The following MKX variants were observed in gnomAD, a reference collection of about 807,000 sequenced individuals.
MKX encodes the protein homeobox protein Mohawk.
MKX carries 13 observed loss-of-function variants against 36.0 expected under a neutral mutation model. That is an observed-to-expected ratio of 0.36 (90% CI 0.24 to 0.57). The LOEUF (loss-of-function observed/expected upper bound fraction) is 0.57. Ranked by LOEUF, MKX falls within the 20% of genes least tolerant of loss-of-function variation. MKX has a pLI of 0.79. For synonymous variants in MKX, 176 were observed against 178.3 expected (o/e 0.99, Z 0.10); for missense variants, 458 against 456.4 (o/e 1.00, Z -0.03).
chr10:27,683,460 C>A (rs893806256), intron 5 of MKX, among the ~76,000 whole-genome samples: 1 of 152,222 alleles, frequency 6.6e-6, no homozygotes, highest in African/African-American at 2.4e-5. Context: ...CCTGATGATA[C>A]ACTTGCATTT....
At chr10:27,722,191 AC>A (rs1834394097) in intron 5 of MKX, among the ~76,000 whole-genome samples, 1 of 152,210 alleles carries the variant, frequency 6.6e-6, no homozygotes, top group Non-Finnish European at 1.5e-5. Flanking sequence ...TAAACACGTG[AC>A]ATCTACCCTC....
intron 5 of MKX, among the ~76,000 whole-genome samples, chr10:27,723,078 C>T (rs372107470): frequency 1.5e-4 from 23 of 152,068 alleles, no homozygotes; most frequent in Admixed American, 3.9e-4. Flanking sequence ...AAATAGTCCT[C>T]GCACACCTTT....
intron 3 of MKX, among the ~76,000 whole-genome samples, chr10:27,736,686 T>A (rs1214936925): frequency 6.6e-6 from 1 of 152,126 alleles, no homozygotes; most frequent in Non-Finnish European, 1.5e-5. Flanking sequence ...TTTTTGTGCA[T>A]TACTCAAGTC....
chr10:27,741,487 C>G lies in MKX; in HGVS notation c.206G>C (p.Gly69Ala). Residue 69 changes from glycine to alanine, a missense_variant, in exon 3 of 7, where the codon GGG becomes GCG. By Grantham distance (60) the Gly-to-Ala change is moderately conservative (BLOSUM62 0). Around this residue, in one of 3 missense-constraint regions of MKX, gnomAD observed 149 missense variants for 114.3 expected, o/e 1.30. Transcript: ENST00000419761. This position sits in a 1 kb window ranked among gnomAD's most constrained non-coding sequence, Gnocchi z 5.1. ...GGCCTGCCGCTTGTGCCTCACCTTC[C>G]CGCCATTCTGCCGGGCGCTGGGACA... ...HRRTGARQNG[G>A]KVRHKRQALQ... The G allele has an allele frequency of 6.3e-7, 1 of 1,595,930 alleles. No individual in the cohort carries two copies. Among genetic ancestry groups the G allele is most frequent in the Non-Finnish European group, 8.5e-7 (1 of 1,173,122 alleles).
intron 5 of MKX, among the ~76,000 whole-genome samples, chr10:27,722,335 C>A (rs916981692): frequency 2.0e-5 from 3 of 152,188 alleles, no homozygotes; most frequent in African/African-American, 7.2e-5. Context: ...GCTCAGAGCC[C>A]AAGTTCTGTT....
At chr10:27,711,483 C>CTTTCTTTCTTTCTTTCTTTCTTTT (rs1391922537) in intron 5 of MKX, among the ~76,000 whole-genome samples, 2 of 63,292 alleles carry the variant, frequency 3.2e-5, no homozygotes, top group African/African-American at 1.2e-4. Context: ...TTCTTTCTTT[C>CTTTCTTTCTTTCTTTCTTTCTTTT]TCTCTCTCTC....
Position 27,675,523 on chromosome 10 carries a change from T to G in MKX, c.870A>C (p.Glu290Asp). ...DTLENGSNKGESAANRKGPSK... is the reference protein window; with the variant it reads ...DTLENGSNKGDSAANRKGPSK... ...GCCAATGGGAACATTTTGCTCACCT[T>G]TCACCCTTATTGGATCCGTTTTCCA... Residue 290 changes from glutamate to aspartate, a missense_variant and splice_region_variant, in exon 6 of 7, where the codon GAA becomes GAC. Physicochemically the swap from Glu to Asp is conservative, Grantham distance 45. This residue lies in a region of MKX where 297 missense variants were observed against 304.4 expected (regional missense o/e 0.98). Coordinates refer to ENST00000419761, the MANE Select transcript of MKX (RefSeq NM_173576.3). 6.2e-7 allele frequency: 1 copy of G among 1,614,132 alleles called. No homozygotes were observed. Among genetic ancestry groups the G allele is most frequent in the Middle Eastern group, 1.6e-4 (1 of 6,062 alleles).
intron 3 of MKX, among the ~76,000 whole-genome samples, chr10:27,738,699 A>G (rs1031900350): frequency 6.6e-6 from 1 of 152,108 alleles, no homozygotes; most frequent in Admixed American, 6.5e-5. Flanking sequence ...GGAAAACTAA[A>G]TAATATTCAT....
At chr10:27,718,673 T>A (rs1309173295) in intron 5 of MKX, 1 of 315,958 alleles carries the variant, frequency 3.2e-6, no homozygotes, top group Admixed American at 3.9e-5. Flanking sequence ...CCACTTGGAC[T>A]CCAGTCACAT....
intron 5 of MKX, among the ~76,000 whole-genome samples, chr10:27,684,828 C>G (rs1430573900): frequency 1.3e-5 from 2 of 152,192 alleles, no homozygotes; most frequent in African/African-American, 2.4e-5. Flanking sequence ...TGAGATGAAA[C>G]GATTCCACCT....
At chr10:27,725,605 A>G (rs1299466570) in intron 5 of MKX, among the ~76,000 whole-genome samples, 4 of 152,066 alleles carry the variant, frequency 2.6e-5, no homozygotes, top group Non-Finnish European at 4.4e-5. Context: ...ATTTTAACAC[A>G]GAAAAATACC....
intron 5 of MKX, among the ~76,000 whole-genome samples, chr10:27,700,381 A>C (rs934089280): frequency 6.6e-6 from 1 of 152,222 alleles, no homozygotes; most frequent in Admixed American, 6.5e-5. Context: ...CAGAACATGC[A>C]TATAAAAATA....
At position 27,734,620 on chromosome 10, in the gene MKX, C is replaced by T. The variant is rs749807102; in HGVS notation, c.674G>A (p.Arg225His). 4.3e-6 allele frequency: 7 copies of T among 1,613,974 alleles called. No individual in the cohort carries two copies. Among genetic ancestry groups the T allele is most frequent in the African/African-American group, 1.3e-5 (1 of 74,898 alleles). ...ATGTCTCAAAGAGTCATTAAGGTAA[C>T]GGTTCAACAAGCTGCTCTTGTATTT... The part of the protein sequence containing the change: ...PPKYKSSLLN[R>H]YLNDSLRHVM... The change falls in exon 5 of 7, where the codon CGT becomes CAT. Residue 225 changes from arginine to histidine, a missense_variant. By Grantham distance (29) the Arg-to-His change is conservative. Around this residue, in one of 3 missense-constraint regions of MKX, gnomAD observed 297 missense variants for 304.4 expected, o/e 0.98. Coordinates refer to ENST00000419761, the MANE Select transcript of MKX (RefSeq NM_173576.3).
chr10:27,712,392 T>C (rs951416869), intron 5 of MKX, among the ~76,000 whole-genome samples: 8 of 152,132 alleles, frequency 5.3e-5, no homozygotes, highest in African/African-American at 1.9e-4. Flanking sequence ...GCTTAGCATC[T>C]CAGTAAGTGG....
chr10:27,683,686 G>C (rs565811316), intron 5 of MKX, among the ~76,000 whole-genome samples: 1 of 152,352 alleles, frequency 6.6e-6, no homozygotes, highest in African/African-American at 2.4e-5. Flanking sequence ...CCTGCGTCTA[G>C]TGTGTTACTG....
chr10:27,700,984 T>G (rs1415686022), intron 5 of MKX, among the ~76,000 whole-genome samples: 2 of 152,184 alleles, frequency 1.3e-5, no homozygotes, highest in Admixed American at 1.3e-4. Context: ...ATTTTATTAT[T>G]GAATAAACTT....
rs1223520145 is a variant in MKX at position 27,741,290 on chromosome 10, C to T, written c.348+55G>A. On this transcript the variant is annotated intron_variant, in intron 3 of 6. Coordinates refer to ENST00000419761, the MANE Select transcript of MKX (RefSeq NM_173576.3). The surrounding 1 kb of genome is among the most constrained non-coding windows in gnomAD (Gnocchi z 5.1). ...GAGCCACACGAACTCTAAGCGTTCC[C>T]GCTCTTCAGCCCCTCGCGGGAAAAC... is the stretch of plus-strand genomic sequence containing the variant. The T allele has an allele frequency of 1.2e-6, 2 of 1,601,900 alleles. No homozygotes were observed. Among genetic ancestry groups the T allele is most frequent in the East Asian group, 2.2e-5 (1 of 44,574 alleles).
intron 5 of MKX, among the ~76,000 whole-genome samples, chr10:27,724,213 AAC>A (rs1197722187): frequency 1.3e-5 from 2 of 152,184 alleles, no homozygotes; most frequent in Non-Finnish European, 2.9e-5. Flanking sequence ...CCAAAAAGTG[AAC>A]ACAGTGTGTA....
At chr10:27,698,245 C>G (rs1419934313) in intron 5 of MKX, among the ~76,000 whole-genome samples, 1 of 152,008 alleles carries the variant, frequency 6.6e-6, no homozygotes, top group Non-Finnish European at 1.5e-5. Flanking sequence ...GTTCTGTGTG[C>G]CAAGATAAGG....
Sources: gnomAD v4.1 joint callset for allele counts (sites outside exome capture counted in the v4.1 genomes callset) on GRCh38, gnomAD v4.1.1 for gene constraint, gnomAD v4.1.1 regional missense constraint, Gnocchi (gnomAD v3.1) non-coding constraint, MANE v1.5 for transcripts, NCBI Gene and HGNC (gene_info 2026-07-23, HGNC 2026-07-21) for gene names.